The following RPS6KB2 variants were observed in gnomAD, a reference collection of about 807,000 sequenced individuals.
RPS6KB2 encodes the protein ribosomal protein S6 kinase beta-2.
RPS6KB2 carries 51 observed loss-of-function variants against 58.2 expected under a neutral mutation model. The observed-to-expected ratio is 0.88, with a 90% CI of 0.70 to 1.11. RPS6KB2 has a LOEUF of 1.11. RPS6KB2 is among the 50% of genes least tolerant of loss of function. The pLI is 0.00. For synonymous variants in RPS6KB2, 293 were observed against 258.6 expected (o/e 1.13, Z -1.28); for missense variants, 671 against 655.8 (o/e 1.02, Z -0.25).
chr11:67,433,780 G>A (rs1288243898), intron 10 of RPS6KB2, among the ~76,000 whole-genome samples: 1 of 152,234 alleles, frequency 6.6e-6, no homozygotes, highest in Non-Finnish European at 1.5e-5. Flanking sequence ...CGCGCCCTGG[G>A]GCAATGCCAG....
In RPS6KB2 at chr11:67,433,155, A is replaced by G; in HGVS notation, c.737A>G (p.His246Arg). 6.2e-7 allele frequency: 1 copy of G among 1,604,814 alleles called. No homozygotes were observed. The highest frequency in any genetic ancestry group is 1.3e-5 in the African/African-American group (1 of 74,886). ...CCTGAGATTCTGGTGCGCAGTGGCCACAACCGGGCTGTGGACTGGTGGAGC... is the reference window on the plus strand; with the variant it reads ...CCTGAGATTCTGGTGCGCAGTGGCCGCAACCGGGCTGTGGACTGGTGGAGC... ...MAPEILVRSG[H>R]NRAVDWWSLG... The change falls in exon 9 of 15, where the codon CAC becomes CGC. Residue 246 changes from histidine to arginine, a missense_variant. Transcript: ENST00000312629.
In RPS6KB2 at chr11:67,433,152, G is replaced by A. The variant is rs1211069545; in HGVS notation, c.734G>A (p.Gly245Asp). 1 of 1,604,214 alleles carries A rather than the reference G, an allele frequency of 6.2e-7. No individual in the cohort carries two copies. The highest frequency in any genetic ancestry group is 1.3e-5 in the African/African-American group (1 of 74,880). ...GCCCCTGAGATTCTGGTGCGCAGTG[G>A]CCACAACCGGGCTGTGGACTGGTGG... is the stretch of plus-strand genomic sequence containing the variant. ...YMAPEILVRS[G>D]HNRAVDWWSL... Residue 245 changes from glycine to aspartate, a missense_variant, in exon 9 of 15, where the codon GGC becomes GAC. Gly to Asp is a moderately conservative substitution (Grantham distance 94). Coordinates refer to ENST00000312629, the MANE Select transcript of RPS6KB2 (RefSeq NM_003952.3).
chr11:67,429,782 GCAGACATTTGACAA>G, intron 4 of RPS6KB2, 187 bp downstream of exon 4: 7 of 588,628 alleles, frequency 1.2e-5, no homozygotes, highest in Non-Finnish European at 2.1e-5. Context: ...TTGACTCCCA[GCAGACATTTGACAA>G]CAGTGTCTGG....
rs763925816 is a variant in RPS6KB2 at position 67,434,284 on chromosome 11, C to G, written c.1047+9C>G. The G allele has an allele frequency of 6.2e-6, 10 of 1,613,142 alleles. No individual in the cohort carries two copies. The East Asian group carries it at 2.0e-4, about 32-fold the overall frequency. The stretch of plus-strand genomic sequence containing the variant: ...CTTTCAGGCCCTGTCTGGTGAGCAG[C>G]AGGGCTGGTGGCCAGTGGCCGGTGG... On this transcript the variant is annotated intron_variant, in intron 12 of 14. Transcript: ENST00000312629.
chr11:67,432,883 T>C, intron 7 of RPS6KB2, 46 bp downstream of exon 7: 1 of 1,608,478 alleles, frequency 6.2e-7, no homozygotes, highest in Non-Finnish European at 8.5e-7. Context: ...CTGCAATCTG[T>C]GGGGAGGGCT....
Position 67,435,400 on chromosome 11 carries a change from T to C in RPS6KB2, c.*231T>C. On this transcript the variant is annotated 3_prime_UTR_variant, in exon 15 of 15. Transcript: ENST00000312629. Reference sequence around the variant, plus strand: ...CGTGGAAGATTAAAGGGCTGAATCATGGTGCTGACCTGGCTCTTTGTGCTG... The same window carrying C: ...CGTGGAAGATTAAAGGGCTGAATCACGGTGCTGACCTGGCTCTTTGTGCTG... 1 of 612,582 alleles carries C rather than the reference T, an allele frequency of 1.6e-6. No homozygotes were observed. The highest frequency in any genetic ancestry group is 2.1e-5 in the South Asian group (1 of 48,052). The allele number at this position is 612,582 out of a possible 1,614,324, so 37.9% of individuals were successfully genotyped here.
At position 67,433,340 on chromosome 11, in the gene RPS6KB2, C is replaced by T; in HGVS notation, c.799C>T (p.Pro267Ser). 2 of 1,613,268 alleles carry T rather than the reference C, an allele frequency of 1.2e-6. No individual in the cohort carries two copies. The highest frequency in any genetic ancestry group is 8.5e-7 in the Non-Finnish European group (1 of 1,179,452). Residue 267 changes from proline (P) to serine (S), a missense_variant and splice_region_variant, in exon 10 of 15, where the codon CCG becomes TCG. Coordinates refer to ENST00000312629, the MANE Select transcript of RPS6KB2 (RefSeq NM_003952.3). ...ALMYDMLTGSPPFTAENRKKT... is the reference protein window; with the variant it reads ...ALMYDMLTGSSPFTAENRKKT... Reference sequence around the variant, plus strand: ...TCCTCTCACCTTCCTCCTCCTCCAGCCGCCCTTCACCGCAGAGAACCGGAA... The same window carrying T: ...TCCTCTCACCTTCCTCCTCCTCCAGTCGCCCTTCACCGCAGAGAACCGGAA...
In RPS6KB2 at chr11:67,435,100, C is replaced by G; in HGVS notation, c.1380C>G (p.Ala460=). ...CACCGCCGCCGCCCTCGACCACCGC[C>G]CCTCTCCCCATCCGTCCCCCCTCAG... ...LLPPPPPSTT[A]PLPIRPPSGT... Residue 460 remains alanine (A), a synonymous_variant, in exon 15 of 15, where the codon GCC becomes GCG. Transcript: ENST00000312629. 6.2e-7 allele frequency: 1 copy of G among 1,608,938 alleles called. No homozygotes were observed. The highest frequency in any genetic ancestry group is 8.5e-7 in the Non-Finnish European group (1 of 1,179,254).
intron 10 of RPS6KB2, among the ~76,000 whole-genome samples, chr11:67,433,723 G>A (rs926917974): frequency 2.0e-5 from 3 of 152,128 alleles, no homozygotes; most frequent in Admixed American, 2.0e-4. Flanking sequence ...CATCGGAGGT[G>A]TTAGGGGGAG....
At chr11:67,432,527 G>A in intron 5 of RPS6KB2, 73 bp from the exon 6 acceptor site, 2 of 1,528,418 alleles carry the variant, frequency 1.3e-6, no homozygotes, top group South Asian at 1.1e-5. Flanking sequence ...CTTTCCCCAA[G>A]AAGAAATAAA....
Position 67,435,115 on chromosome 11 carries a change from TC to T in RPS6KB2, c.1401del (p.Ser468GlnfsTer26). The T allele has an allele frequency of 6.2e-7, 1 of 1,603,594 alleles. No individual in the cohort carries two copies. ...PSTTAPLPIR[P>X]PSGTKKSKRG... is the part of the protein sequence containing the mutation. The stretch of plus-strand genomic sequence containing the variant: ...CGACCACCGCCCCTCTCCCCATCCG[TC>T]CCCCCTCAGGGACCAAGAAGTCCAA... On this transcript the variant is annotated frameshift_variant, in exon 15 of 15. Transcript: ENST00000312629. LOFTEE classifies it high-confidence loss of function.
At position 67,433,159 on chromosome 11, in the gene RPS6KB2, C is replaced by A; in HGVS notation, c.741C>A (p.Asn247Lys). Residue 247 changes from asparagine to lysine, a missense_variant, in exon 9 of 15, where the codon AAC becomes AAA. Transcript: ENST00000312629. ...APEILVRSGH[N>K]RAVDWWSLGA... The stretch of plus-strand genomic sequence containing the variant: ...AGATTCTGGTGCGCAGTGGCCACAA[C>A]CGGGCTGTGGACTGGTGGAGCCTGG... The A allele has an allele frequency of 6.2e-7, 1 of 1,605,132 alleles. No individual in the cohort carries two copies. The highest frequency in any genetic ancestry group is 8.5e-7 in the Non-Finnish European group (1 of 1,177,126).
In RPS6KB2 at chr11:67,435,052, G is replaced by C. The variant is rs761441103; in HGVS notation, c.1332G>C (p.Glu444Asp). Residue 444 changes from glutamate (E) to aspartate (D), a missense_variant, in exon 15 of 15, where the codon GAG (glutamate) becomes GAC (aspartate). By Grantham distance (45) the Glu-to-Asp change is conservative. Coordinates refer to ENST00000312629, the MANE Select transcript of RPS6KB2 (RefSeq NM_003952.3). ...GCCCCAGCCTGCCGGAGCCCACGGA[G>C]CTACCTCTACCTCCACTCCTGCCAC... ...RPSPSLPEPT[E>D]LPLPPLLPPP... The C allele has an allele frequency of 1.2e-6, 2 of 1,612,848 alleles. No homozygotes were observed. Among genetic ancestry groups the C allele is most frequent in the South Asian group, 2.2e-5 (2 of 91,076 alleles).
In RPS6KB2 at chr11:67,434,592, A is replaced by T; in HGVS notation, c.1166A>T (p.Tyr389Phe). ...GCCTCCGCCCCCCAGGGCTTCACATACGTGGCGCCGTCTGTCCTGGACAGC... is the reference window on the plus strand; with the variant it reads ...GCCTCCGCCCCCCAGGGCTTCACATTCGTGGCGCCGTCTGTCCTGGACAGC... Reference protein sequence around the residue: ...SANQAFLGFTYVAPSVLDSIK... With the variant: ...SANQAFLGFTFVAPSVLDSIK... The change falls in exon 14 of 15, where the codon TAC becomes TTC. Residue 389 changes from tyrosine (Y) to phenylalanine (F), a missense_variant. By Grantham distance (22) the Tyr-to-Phe change is conservative (BLOSUM62 3). Coordinates refer to ENST00000312629, the MANE Select transcript of RPS6KB2 (RefSeq NM_003952.3). The T allele has an allele frequency of 6.2e-7, 1 of 1,605,822 alleles. No individual in the cohort carries two copies. The highest frequency in any genetic ancestry group is 8.5e-7 in the Non-Finnish European group (1 of 1,177,794).
chr11:67,432,997 A>T lies in RPS6KB2; in HGVS notation c.662A>T (p.His221Leu). 1.2e-6 allele frequency: 2 copies of T among 1,613,428 alleles called. No homozygotes were observed. The highest frequency in any genetic ancestry group is 1.7e-6 in the Non-Finnish European group (2 of 1,180,016). The part of the protein sequence containing the change: ...TDFGLCKESI[H>L]EGAVTHTFCG... ...TTTGGACTCTGCAAGGAGTCTATCC[A>T]TGAGGGCGCCGTCACTCACACCTTC... is the stretch of plus-strand genomic sequence containing the variant. The change falls in exon 8 of 15, where the codon CAT becomes CTT. Residue 221 changes from histidine to leucine, a missense_variant. Coordinates refer to ENST00000312629, the MANE Select transcript of RPS6KB2 (RefSeq NM_003952.3).
chr11:67,428,772 TC>T, intron 1 of RPS6KB2, 149 bp downstream of exon 1: 1 of 907,522 alleles, frequency 1.1e-6, no homozygotes, highest in Non-Finnish European at 1.7e-6. Context: ...TAAGTTCTGA[TC>T]CCACCCTCAC....
chr11:67,432,610 CT>C lies in RPS6KB2; in HGVS notation c.470del (p.Phe157SerfsTer54), dbSNP rs774864730. 8 of 1,614,096 alleles carry C rather than the reference CT, an allele frequency of 5.0e-6. No individual in the cohort carries two copies. In the Admixed American group the frequency reaches 5.0e-5, roughly 10 times the overall value. On this transcript the variant is annotated frameshift_variant, in exon 6 of 15. Transcript: ENST00000312629. LOFTEE classifies it high-confidence loss of function. ...GTGTTTGTGTGGCAGGTGGCGAGCT[CT>C]TCACGCATCTGGAGCGAGAGGGCAT... ...ILECLSGGEL[F>X]THLEREGIFL...
chr11:67,433,118 G>A lies in RPS6KB2; in HGVS notation c.708-8G>A. The A allele has an allele frequency of 6.2e-7, 1 of 1,606,078 alleles. No homozygotes were observed. Among genetic ancestry groups the A allele is most frequent in the Non-Finnish European group, 8.5e-7 (1 of 1,176,942 alleles). On this transcript the variant is annotated splice_polypyrimidine_tract_variant and splice_region_variant and intron_variant, in intron 8 of 14. Coordinates refer to ENST00000312629, the MANE Select transcript of RPS6KB2 (RefSeq NM_003952.3). ...ACGGCCTGACTGACAGTTCCACCTGGACCCCAGGGCCCCTGAGATTCTGGT... is the reference window on the plus strand; with the variant it reads ...ACGGCCTGACTGACAGTTCCACCTGAACCCCAGGGCCCCTGAGATTCTGGT...
chr11:67,428,653 C>T, intron 1 of RPS6KB2, 30 bp downstream of exon 1: 1 of 1,584,314 alleles, frequency 6.3e-7, no homozygotes, highest in Non-Finnish European at 8.6e-7. Context: ...GCGACTGGAT[C>T]CTGGAGCCGA....
Sources: allele counts gnomAD v4.1 joint callset (sites outside exome capture counted in the v4.1 genomes callset), GRCh38; gene constraint gnomAD v4.1.1; transcripts MANE v1.5; gene names NCBI Gene and HGNC (gene_info 2026-07-23, HGNC 2026-07-21).